ADAMTS17: variants seen among roughly 807,000 people sequenced by gnomAD.
ADAMTS17 encodes the protein A disintegrin and metalloproteinase with thrombospondin motifs 17.
A neutral mutation model predicts 141.5 loss-of-function variants in ADAMTS17; 113 were observed. That is an observed-to-expected ratio of 0.80 (90% CI 0.69 to 0.93). ADAMTS17 has a LOEUF of 0.93. Ranked by LOEUF, ADAMTS17 falls within the 40% of genes least tolerant of loss-of-function variation. ADAMTS17 has a pLI of 0.00. For synonymous variants in ADAMTS17, 768 were observed against 630.6 expected (o/e 1.22, Z -3.27); for missense variants, 1,659 against 1,517.9 (o/e 1.09, Z -1.54).
chr15:100,106,374 C>T (rs1242572560), intron 14 of ADAMTS17, among the ~76,000 whole-genome samples: 1 of 152,226 alleles, frequency 6.6e-6, no homozygotes, highest in Non-Finnish European at 1.5e-5. Flanking sequence ...AAGTGCAGAA[C>T]AGGGTTGGGC....
At chr15:100,051,433 A>G in intron 17 of ADAMTS17, 139 bp downstream of exon 17, 1 of 1,268,230 alleles carries the variant, frequency 7.9e-7, no homozygotes, top group Non-Finnish European at 1.1e-6. Context: ...CTGCAGAGAG[A>G]TTTTCGGTGG....
rs1293134401 is a variant in ADAMTS17, at chr15:100,292,109, G to T, written c.617-10708C>A. Among the ~76,000 whole-genome samples, 24 of 131,254 alleles carry T rather than the reference G, an allele frequency of 1.8e-4. 1 individual carries two copies. The highest frequency in any genetic ancestry group is 7.1e-4 in the African/African-American group (24 of 33,934). 86.1% of individuals were successfully genotyped at this position (131,254 alleles called of 152,430 possible). A position where few individuals can be genotyped will look rare whatever the true frequency, so the allele number is the denominator to read the frequency against. On this transcript the variant is annotated intron_variant, in intron 3 of 21. Transcript: ENST00000268070. ...AGTCATGAGAGACGCTCAGCCCGTG[G>T]GGAGTCACGAGAGACGCTCAGCCCG...
intron 2 of ADAMTS17, among the ~76,000 whole-genome samples, chr15:100,333,467 C>T (rs1490309582): frequency 3.3e-5 from 5 of 152,284 alleles, no homozygotes; most frequent in Non-Finnish European, 2.9e-5. Flanking sequence ...GGAGCCCAGG[C>T]ACTGATATTT....
chr15:100,340,978 G>A, intron 2 of ADAMTS17, 61 bp downstream of exon 2: 2 of 1,287,672 alleles, frequency 1.6e-6, no homozygotes, highest in South Asian at 1.3e-5. Context: ...CACCCTCCAC[G>A]GCGACCACTC....
At chr15:100,038,850 T>C (rs1279859092) in intron 18 of ADAMTS17, among the ~76,000 whole-genome samples, 1 of 152,238 alleles carries the variant, frequency 6.6e-6, no homozygotes, top group African/African-American at 2.4e-5. Context: ...TTTAATAAAA[T>C]GTTGGATAGA....
rs111980431 is a variant in ADAMTS17 at position 100,286,188 on chromosome 15, C to T, written c.617-4787G>A. Among the ~76,000 whole-genome samples the T allele has an allele frequency of 9.1e-3, 1,390 of 152,272 alleles. 20 individuals carry two copies. The highest frequency in any genetic ancestry group is 0.032 in the African/African-American group (1,326 of 41,544). On this transcript the variant is annotated intron_variant, in intron 3 of 21. Coordinates refer to ENST00000268070, the MANE Select transcript of ADAMTS17 (RefSeq NM_139057.4). ...GATCTCTCCCACTGCTTTGCCGGCA[C>T]ACACGTATTGGCAGACTTCACCCTC...
intron 20 of ADAMTS17, among the ~76,000 whole-genome samples, chr15:99,989,841 T>C (rs1436450762): frequency 6.6e-6 from 1 of 152,184 alleles, no homozygotes; most frequent in Non-Finnish European, 1.5e-5. Flanking sequence ...TTTTGGGCAA[T>C]GAAATGAAAT....
intron 15 of ADAMTS17, among the ~76,000 whole-genome samples, chr15:100,066,364 T>C (rs974424176): frequency 6.7e-5 from 10 of 148,352 alleles, no homozygotes; most frequent in Non-Finnish European, 1.5e-4. Context: ...TTAGATGGCA[T>C]ATGGATACAC....
intron 3 of ADAMTS17, among the ~76,000 whole-genome samples, chr15:100,312,419 G>C (rs141831906): frequency 2.5e-4 from 38 of 152,344 alleles, no homozygotes; most frequent in Middle Eastern, 3.4e-3. Flanking sequence ...CAGAAGGAAT[G>C]AAGGCCTGCT....
chr15:100,329,236 T>C (rs949416511), intron 3 of ADAMTS17, among the ~76,000 whole-genome samples: 1 of 151,972 alleles, frequency 6.6e-6, no homozygotes, highest in East Asian at 1.9e-4. Context: ...GGGCTCAGGT[T>C]AAAAATAGCA....
chr15:99,976,652 G>A (rs906817923), intron 20 of ADAMTS17: 6 of 296,912 alleles, frequency 2.0e-5, no homozygotes, highest in Admixed American at 9.3e-5. Flanking sequence ...TCCATGCTGG[G>A]AATAGTGTGA....
chr15:100,243,789 T>TAAAAAAA (rs547134930), intron 7 of ADAMTS17, among the ~76,000 whole-genome samples: 15 of 93,408 alleles, frequency 1.6e-4, no homozygotes, highest in East Asian at 3.1e-4. Flanking sequence ...GACTCCATCT[T>TAAAAAAA]AAAAAAAAAA....
At chr15:100,006,153 G>T (rs2061032651) in intron 18 of ADAMTS17, among the ~76,000 whole-genome samples, 1 of 152,146 alleles carries the variant, frequency 6.6e-6, no homozygotes, top group South Asian at 2.1e-4. Flanking sequence ...AGATACTGGG[G>T]GTTAGGACTT....
At chr15:100,251,216 G>A (rs1287879312) in intron 7 of ADAMTS17, among the ~76,000 whole-genome samples, 1 of 152,218 alleles carries the variant, frequency 6.6e-6, no homozygotes, top group African/African-American at 2.4e-5. Flanking sequence ...GAAGAACAGT[G>A]ACTCCACCCA....
intron 14 of ADAMTS17, among the ~76,000 whole-genome samples, chr15:100,102,891 A>G (rs2036204295): frequency 6.6e-6 from 1 of 151,138 alleles, no homozygotes; most frequent in Non-Finnish European, 1.5e-5. Flanking sequence ...TTTTCAGCCC[A>G]CTCTTCACTT....
intron 18 of ADAMTS17, among the ~76,000 whole-genome samples, chr15:100,016,497 G>A (rs1013864635): frequency 6.6e-6 from 1 of 152,206 alleles, no homozygotes; most frequent in Non-Finnish European, 1.5e-5. Context: ...GGCAGACTCT[G>A]TCAAAGGAAA....
chr15:100,082,728 G>A (rs80232799), intron 15 of ADAMTS17, among the ~76,000 whole-genome samples: 4,631 of 148,894 alleles, frequency 0.031, 110 homozygotes, highest in South Asian at 0.07. Context: ...ATAGTTATTA[G>A]AGAACTTATA....
At chr15:100,278,393 C>G (rs572707382) in intron 4 of ADAMTS17, among the ~76,000 whole-genome samples, 1 of 152,026 alleles carries the variant, frequency 6.6e-6, no homozygotes, top group African/African-American at 2.4e-5. Flanking sequence ...AACGGAACTT[C>G]CAGAGTTGAT....
rs2060721514 is a variant in ADAMTS17 at position 99,992,993 on chromosome 15, C to T, written c.2949+55G>A. 3.1e-6 allele frequency: 5 copies of T among 1,610,516 alleles called. 1 individual carries two copies. The South Asian group carries it at 4.4e-5, about 14-fold the overall frequency. On this transcript the variant is annotated intron_variant, in intron 20 of 21. Coordinates refer to ENST00000268070, the MANE Select transcript of ADAMTS17 (RefSeq NM_139057.4). ...CCCGTCACAAGAGCTGAGTTCCCGA[C>T]CCTCGAGCCCCCTGCACTGCGGCAC...
Sources: allele counts gnomAD v4.1 joint callset (sites outside exome capture counted in the v4.1 genomes callset), GRCh38; gene constraint gnomAD v4.1.1; transcripts MANE v1.5; gene names NCBI Gene and HGNC (gene_info 2026-07-23, HGNC 2026-07-21).